Variants in SEPTIN9 observed in about 807,000 individuals in gnomAD.
SEPTIN9 encodes the protein septin-9.
In SEPTIN9, 13 loss-of-function variants were observed where a neutral mutation model predicts 56.6. The ratio of observed to expected loss-of-function variants is 0.23; its 90% CI spans 0.15 to 0.37. The LOEUF (loss-of-function observed/expected upper bound fraction) is 0.37, where lower values mean the gene tolerates loss of function less well. SEPTIN9 is among the 10% of genes least tolerant of loss of function. The probability of loss-of-function intolerance (pLI) is 1.00; values close to 1 mark genes in which losing one functional copy is unlikely to be tolerated. For synonymous variants in SEPTIN9, 332 were observed against 334.1 expected (o/e 0.99, Z 0.07); for missense variants, 650 against 823.1 (o/e 0.79, Z 2.57).
At chr17:77,410,307 C>T (rs532130072) in intron 3 of SEPTIN9, among the ~76,000 whole-genome samples, 6 of 152,252 alleles carry the variant, frequency 3.9e-5, no homozygotes, top group Middle Eastern at 3.4e-3. Context: ...TGGAGATTCC[C>T]GGTCTCATCC....
At chr17:77,303,998 C>A (rs1310841239) in intron 1 of SEPTIN9, among the ~76,000 whole-genome samples, 1 of 152,222 alleles carries the variant, frequency 6.6e-6, no homozygotes, top group Non-Finnish European at 1.5e-5. Context: ...ATTGTCTTCT[C>A]TCCTTCTGAG....
At chr17:77,350,614 T>A (rs867368266) in intron 2 of SEPTIN9, among the ~76,000 whole-genome samples, 26 of 150,994 alleles carry the variant, frequency 1.7e-4, no homozygotes, top group Middle Eastern at 3.2e-3. Flanking sequence ...CAGTGCAGTG[T>A]GTGTGTGTGT....
At position 77,492,990 on chromosome 17, in the gene SEPTIN9, C is replaced by T; in HGVS notation, c.1487C>T (p.Pro496Leu). ...LVNEKFREMI[P>L]FAVVGSDHEY... The stretch of plus-strand genomic sequence containing the variant: ...CTGCCCGTTCCCCAGGAGATGATCC[C>T]ATTTGCTGTGGTGGGCAGTGACCAC... The change falls in exon 10 of 12, where the codon CCA becomes CTA. Residue 496 changes from proline (P) to leucine (L), a missense_variant. By Grantham distance (98) the Pro-to-Leu change is moderately conservative. Coordinates refer to ENST00000427177, the MANE Select transcript of SEPTIN9 (RefSeq NM_001113491.2). This position sits in a 1 kb window ranked among gnomAD's most constrained non-coding sequence, Gnocchi z 5.4. 2 of 1,565,946 alleles carry T rather than the reference C, an allele frequency of 1.3e-6. No homozygotes were observed. Among genetic ancestry groups the T allele is most frequent in the Non-Finnish European group, 1.7e-6 (2 of 1,155,504 alleles).
At chr17:77,457,489 G>C (rs2038261900) in intron 3 of SEPTIN9, among the ~76,000 whole-genome samples, 1 of 152,202 alleles carries the variant, frequency 6.6e-6, no homozygotes, top group Non-Finnish European at 1.5e-5. Context: ...AGCGAGTTCC[G>C]TGTTTATGCG....
At chr17:77,350,210 G>A (rs1458355779) in intron 2 of SEPTIN9, among the ~76,000 whole-genome samples, 1 of 152,222 alleles carries the variant, frequency 6.6e-6, no homozygotes, top group African/African-American at 2.4e-5. Flanking sequence ...CAGACAGGGT[G>A]GGTCGGCTCC....
At chr17:77,353,993 G>C (rs422037) in intron 2 of SEPTIN9, among the ~76,000 whole-genome samples, 81,217 of 151,640 alleles carry the variant, frequency 0.54, 21,995 homozygotes, top group Admixed American at 0.58. Context: ...TCCCCACAAG[G>C]GTCCCTAGAA....
rs563221164 is a variant in SEPTIN9, at chr17:77,425,742, C to T, written c.721+23039C>T. On this transcript the variant is annotated intron_variant, in intron 3 of 11. Coordinates refer to ENST00000427177, the MANE Select transcript of SEPTIN9 (RefSeq NM_001113491.2). The surrounding 1 kb of genome is among the most constrained non-coding windows in gnomAD (Gnocchi z 4.2). ...GAGGCTAAGAGGAAGCTGCCCCCCG[C>T]TCATCTACCCCCCAACCCTCCCAGC... is the stretch of plus-strand genomic sequence containing the variant. Among the ~76,000 whole-genome samples, 122 of 149,846 alleles carry T rather than the reference C, an allele frequency of 8.1e-4. No homozygotes were observed. Among genetic ancestry groups the T allele is most frequent in the African/African-American group, 2.5e-3 (100 of 40,734 alleles).
chr17:77,373,409 G>A (rs945145633), intron 2 of SEPTIN9: 2 of 1,264,942 alleles, frequency 1.6e-6, no homozygotes, highest in Non-Finnish European at 9.9e-7. Flanking sequence ...GCGCGGGCGC[G>A]GCGCCCCAGC....
chr17:77,439,167 A>G (rs973362364), intron 3 of SEPTIN9, among the ~76,000 whole-genome samples: 1 of 152,314 alleles, frequency 6.6e-6, no homozygotes, highest in Admixed American at 6.5e-5. Flanking sequence ...ATATCAAGCT[A>G]GATAGCCCAG....
intron 1 of SEPTIN9, among the ~76,000 whole-genome samples, chr17:77,304,068 G>T (rs760244718): frequency 3.4e-4 from 51 of 152,196 alleles, no homozygotes; most frequent in Non-Finnish European, 2.9e-5. Context: ...CCACGGAATC[G>T]TTAGATGTCT....
At position 77,451,840 on chromosome 17, in the gene SEPTIN9, C is replaced by T. The variant is rs1349132439; in HGVS notation, c.722-30304C>T. Among the ~76,000 whole-genome samples the T allele has an allele frequency of 6.6e-6, 1 of 152,240 alleles. No homozygotes were observed. Among genetic ancestry groups the T allele is most frequent in the Non-Finnish European group, 1.5e-5 (1 of 68,046 alleles). On this transcript the variant is annotated intron_variant, in intron 3 of 11. Coordinates refer to ENST00000427177, the MANE Select transcript of SEPTIN9 (RefSeq NM_001113491.2). This position sits in a 1 kb window ranked among gnomAD's most constrained non-coding sequence, Gnocchi z 4.2. ...GGCTAAGTTCTCCTGCTGCCCGGAG[C>T]TTCTTGGAACATGTTTCCTTTTCGC...
rs2036707847 is a variant in SEPTIN9 at position 77,421,693 on chromosome 17, G to A, written c.721+18990G>A. ...GCTCCTCCACGGTGGATTGGGCTGA[G>A]CTCTCTGCCTCGGCCGACGTCTTTC... On this transcript the variant is annotated intron_variant, in intron 3 of 11. Transcript: ENST00000427177. This position sits in a 1 kb window ranked among gnomAD's most constrained non-coding sequence, Gnocchi z 4.6. Among the ~76,000 whole-genome samples, 1 of 152,190 alleles carries A rather than the reference G, an allele frequency of 6.6e-6. No individual in the cohort carries two copies. Among genetic ancestry groups the A allele is most frequent in the Non-Finnish European group, 1.5e-5 (1 of 68,044 alleles).
At chr17:77,489,087 C>T (rs1341139856) in intron 7 of SEPTIN9, among the ~76,000 whole-genome samples, 4 of 152,232 alleles carry the variant, frequency 2.6e-5, no homozygotes, top group Admixed American at 1.3e-4. Context: ...CCTTCAGCTG[C>T]GTCTTGGGGA....
intron 3 of SEPTIN9, among the ~76,000 whole-genome samples, chr17:77,459,699 A>G (rs2038374231): frequency 6.6e-6 from 1 of 150,804 alleles, no homozygotes; most frequent in Non-Finnish European, 1.5e-5. Flanking sequence ...GGCGAGAGAG[A>G]GAACTCCCAG....
intron 3 of SEPTIN9, among the ~76,000 whole-genome samples, chr17:77,431,284 T>C (rs1436073928): frequency 6.6e-6 from 1 of 152,160 alleles, no homozygotes; most frequent in Non-Finnish European, 1.5e-5. Flanking sequence ...CTCCAGCTCC[T>C]GGGTGACAGG....
intron 2 of SEPTIN9, among the ~76,000 whole-genome samples, chr17:77,384,964 T>C (rs984780386): frequency 2.0e-5 from 3 of 152,134 alleles, no homozygotes; most frequent in Admixed American, 6.5e-5. Flanking sequence ...ATAGATTTTT[T>C]CCCTTTGTTT....
rs575715058 is a variant in SEPTIN9, at chr17:77,364,011, C to T, written c.77-38048C>T. 1.4e-3 allele frequency among the ~76,000 whole-genome samples: 207 copies of T among 151,864 alleles called. 1 individual carries two copies. The highest frequency in any genetic ancestry group is 4.6e-3 in the African/African-American group (189 of 41,376). ...AAAAGTGAGGAGGGGGAACAGAGTG[C>T]GAGGGGGACTGTGTTAATAACAAAC... On this transcript the variant is annotated intron_variant, in intron 2 of 11. Coordinates refer to ENST00000427177, the MANE Select transcript of SEPTIN9 (RefSeq NM_001113491.2).
chr17:77,423,652 G>A (rs1024304509), intron 3 of SEPTIN9, among the ~76,000 whole-genome samples: 4 of 152,378 alleles, frequency 2.6e-5, no homozygotes, highest in East Asian at 1.9e-4. Context: ...GGCTCCGCGC[G>A]GAGATCACGT....
At chr17:77,486,410 A>T (rs2039779859) in intron 4 of SEPTIN9, among the ~76,000 whole-genome samples, 1 of 150,526 alleles carries the variant, frequency 6.6e-6, no homozygotes. Flanking sequence ...GGCCTAGGGT[A>T]TTTTTTTTGG....
Sources: allele counts gnomAD v4.1 joint callset (sites outside exome capture counted in the v4.1 genomes callset), GRCh38; gene constraint gnomAD v4.1.1; non-coding constraint Gnocchi (gnomAD v3.1); transcripts MANE v1.5; gene names NCBI Gene and HGNC (gene_info 2026-07-23, HGNC 2026-07-21).